The following KCNJ6 variants were observed in gnomAD, a reference collection of about 807,000 sequenced individuals.
KCNJ6 encodes the protein G protein-activated inward rectifier potassium channel 2.
Under a neutral mutation model 34.2 loss-of-function variants are expected in KCNJ6, and 9 were observed. The observed-to-expected ratio is 0.26, with a 90% confidence interval of 0.16 to 0.46. KCNJ6 has a LOEUF of 0.46. KCNJ6 is among the 20% of genes least tolerant of loss of function. The probability of loss-of-function intolerance (pLI) is 1.00; values close to 1 mark genes in which losing one functional copy is unlikely to be tolerated. For missense variants in KCNJ6, 236 were observed against 531.3 expected (o/e 0.44, Z 5.46); for synonymous variants, 196 against 207.1 (o/e 0.95, Z 0.46).
At position 37,695,247 on chromosome 21, in the gene KCNJ6, A is replaced by T. The variant is rs532923584; in HGVS notation, c.946+18964T>A. Among the ~76,000 whole-genome samples the T allele has an allele frequency of 3.3e-5, 5 of 152,330 alleles. No individual in the cohort carries two copies. In the South Asian group the frequency reaches 8.3e-4, roughly 25 times the overall value. On this transcript the variant is annotated intron_variant, in intron 3 of 3. Coordinates refer to ENST00000609713, the MANE Select transcript of KCNJ6 (RefSeq NM_002240.5). This position sits in a 1 kb window ranked among gnomAD's most constrained non-coding sequence, Gnocchi z 4.2. ...CCACAAGGGAGACCTGGCTTGTTAC[A>T]GAACTTAACAGTGTCCATCCCATAA...
chr21:37,834,122 G>A (rs1439322976), intron 2 of KCNJ6, among the ~76,000 whole-genome samples: 4 of 152,136 alleles, frequency 2.6e-5, no homozygotes, highest in African/African-American at 7.2e-5. Flanking sequence ...ATCCGTGTAT[G>A]CCCAACCTGC....
intron 1 of KCNJ6, among the ~76,000 whole-genome samples, chr21:37,862,703 C>T (rs543700926): frequency 9.9e-5 from 15 of 152,274 alleles, no homozygotes; most frequent in African/African-American, 2.2e-4. Flanking sequence ...TTTGTGCTAG[C>T]GGTAGGCTGA....
intron 3 of KCNJ6, among the ~76,000 whole-genome samples, chr21:37,642,328 G>A (rs1182715976): frequency 1.3e-5 from 2 of 152,190 alleles, no homozygotes; most frequent in Admixed American, 6.5e-5. Context: ...TGTCCAGGAT[G>A]TTGAAAGAGA....
intron 1 of KCNJ6, among the ~76,000 whole-genome samples, chr21:37,882,827 C>A (rs566648199): frequency 3.1e-4 from 47 of 152,330 alleles, no homozygotes; most frequent in Middle Eastern, 3.4e-3. Flanking sequence ...TGCCTTCATG[C>A]ATGGAATGTT....
chr21:37,702,433 G>A (rs2054696291), intron 3 of KCNJ6, among the ~76,000 whole-genome samples: 1 of 152,084 alleles, frequency 6.6e-6, no homozygotes, highest in African/African-American at 2.4e-5. Context: ...ATGAATCTCC[G>A]ATGACGCTGT....
intron 2 of KCNJ6, among the ~76,000 whole-genome samples, chr21:37,733,943 T>C (rs756344098): frequency 1.3e-5 from 2 of 152,216 alleles, no homozygotes; most frequent in East Asian, 1.9e-4. Context: ...ACCAGGCACA[T>C]GCATGTTCTT....
intron 3 of KCNJ6, among the ~76,000 whole-genome samples, chr21:37,644,594 T>C (rs1327250250): frequency 6.6e-6 from 1 of 152,206 alleles, no homozygotes; most frequent in Non-Finnish European, 1.5e-5. Context: ...TCTATGAATC[T>C]GACTGATATT....
intron 2 of KCNJ6, among the ~76,000 whole-genome samples, chr21:37,718,656 G>A (rs2054807313): frequency 6.6e-6 from 1 of 151,818 alleles, no homozygotes; most frequent in Non-Finnish European, 1.5e-5. Flanking sequence ...TCACACACCG[G>A]TGCCTGTTAG....
intron 3 of KCNJ6, among the ~76,000 whole-genome samples, chr21:37,676,032 CT>C (rs2054563133): frequency 6.6e-6 from 1 of 152,242 alleles, no homozygotes; most frequent in South Asian, 2.1e-4. Context: ...GAATCTGAGC[CT>C]GCATTTTAAC....
At chr21:37,703,875 G>C (rs2123439990) in intron 3 of KCNJ6, among the ~76,000 whole-genome samples, 1 of 152,330 alleles carries the variant, frequency 6.6e-6, no homozygotes, top group East Asian at 1.9e-4. Context: ...TCAATGTCGG[G>C]GATGAGAAAT....
chr21:37,873,837 G>T (rs1336943418), intron 1 of KCNJ6, among the ~76,000 whole-genome samples: 1 of 151,984 alleles, frequency 6.6e-6, no homozygotes, highest in Non-Finnish European at 1.5e-5. Context: ...GCTTCCACTT[G>T]TACCTTTTAT....
intron 3 of KCNJ6, among the ~76,000 whole-genome samples, chr21:37,632,435 T>C (rs1197981355): frequency 1.3e-5 from 2 of 151,984 alleles, no homozygotes; most frequent in Non-Finnish European, 2.9e-5. Flanking sequence ...GTCTGAACAT[T>C]AATGTTTAGA....
intron 3 of KCNJ6, among the ~76,000 whole-genome samples, chr21:37,626,081 A>G (rs1393777299): frequency 1.3e-5 from 2 of 151,416 alleles, no homozygotes; most frequent in African/African-American, 4.9e-5. Flanking sequence ...CAGTGGTCAT[A>G]GTTGCTCAGA....
intron 3 of KCNJ6, among the ~76,000 whole-genome samples, chr21:37,668,533 G>A (rs74710577): frequency 1.5e-3 from 221 of 152,202 alleles, no homozygotes; most frequent in African/African-American, 4.8e-3. Flanking sequence ...TTCTTTAAAG[G>A]CCCTACCTCC....
At chr21:37,708,722 G>A (rs2054734382) in intron 3 of KCNJ6, among the ~76,000 whole-genome samples, 2 of 152,148 alleles carry the variant, frequency 1.3e-5, no homozygotes, top group Admixed American at 6.5e-5. Context: ...TAACTCTTAA[G>A]ATAAAAAATG....
rs1191967189 is a variant in KCNJ6, at chr21:37,789,461, A to C, written c.25+51197T>G. Among the ~76,000 whole-genome samples the C allele has an allele frequency of 2.0e-5, 3 of 152,354 alleles. No individual in the cohort carries two copies. The East Asian group carries it at 5.8e-4, about 29-fold the overall frequency. ...CTAGAGAGAGAGAGCCCTCATCAGA[A>C]CCTGACTATGCTGGCACCATGATCT... On this transcript the variant is annotated intron_variant, in intron 2 of 3. Coordinates refer to ENST00000609713, the MANE Select transcript of KCNJ6 (RefSeq NM_002240.5).
chr21:37,784,907 T>C (rs542018428), intron 2 of KCNJ6, among the ~76,000 whole-genome samples: 46 of 152,292 alleles, frequency 3.0e-4, no homozygotes, highest in African/African-American at 9.1e-4. Flanking sequence ...GTTTGTCAGC[T>C]CTTTGGAGCC....
Position 37,850,252 on chromosome 21 carries a change from A to G in KCNJ6, c.-27-9543T>C, listed in dbSNP as rs533236542. ...TGATAGGGGCAGGATGGCAGGCCCC[A>G]AGGTAAGGCTGGTTAGTTACTCTGA... On this transcript the variant is annotated intron_variant, in intron 1 of 3. Transcript: ENST00000609713. Among the ~76,000 whole-genome samples the G allele has an allele frequency of 3.8e-3, 584 of 152,180 alleles. 6 individuals carry two copies. The highest frequency in any genetic ancestry group is 0.013 in the African/African-American group (556 of 41,524).
intron 1 of KCNJ6, among the ~76,000 whole-genome samples, chr21:37,913,741 C>G (rs1174053381): frequency 6.6e-6 from 1 of 152,170 alleles, no homozygotes; most frequent in African/African-American, 2.4e-5. Flanking sequence ...TCGCTTGAAA[C>G]CGGGACGCAG....
Sources: gnomAD v4.1 joint callset for allele counts (sites outside exome capture counted in the v4.1 genomes callset) on GRCh38, gnomAD v4.1.1 for gene constraint, Gnocchi (gnomAD v3.1) non-coding constraint, MANE v1.5 for transcripts, NCBI Gene and HGNC (gene_info 2026-07-23, HGNC 2026-07-21) for gene names.